Variants in ZNF695 observed in about 807,000 individuals in gnomAD.
The protein encoded by ZNF695 is zinc finger protein SBZF3.
A neutral mutation model predicts 11.2 loss-of-function variants in ZNF695; 11 were observed. That is an observed-to-expected ratio of 0.98 (90% CI 0.62 to 1.62). ZNF695 has a LOEUF of 1.62. ZNF695 is among the 40% of genes most tolerant of loss of function. ZNF695 has a pLI of 0.00. For synonymous variants in ZNF695, 190 were observed against 201.4 expected, an observed-to-expected ratio of 0.94 and a Z score of 0.48; for missense variants, 559 against 590.5, an observed-to-expected ratio of 0.95 and a Z score of 0.55.
In ZNF695 at chr1:246,947,608, T is replaced by C. The variant is rs115713162; in HGVS notation, c.489-1781A>G. On this transcript the variant is annotated intron_variant, in intron 5 of 5. Transcript: ENST00000487338. ...AATCAGGCTTTTCTCCCTGGCATTG[T>C]TTCTGGGACACTGTGAGTGGTATAT... is the stretch of plus-strand genomic sequence containing the variant. Among the ~76,000 whole-genome samples the C allele has an allele frequency of 2.5e-3, 378 of 152,250 alleles. 1 individual carries two copies. Among genetic ancestry groups the C allele is most frequent in the African/African-American group, 8.6e-3 (357 of 41,548 alleles).
Position 247,006,146 on chromosome 1 carries a change from A to G in ZNF695, c.3+1760T>C, listed in dbSNP as rs920077927. ...AGGCTGAGACAGGAGTATCGCTTGA[A>G]CCCGGGAGGCAGAGGTTGCTGTGAG... is the stretch of plus-strand genomic sequence containing the variant. On this transcript the variant is annotated intron_variant, in intron 1 of 3. Transcript: ENST00000339986. 3.3e-5 allele frequency among the ~76,000 whole-genome samples: 5 copies of G among 149,548 alleles called. No homozygotes were observed. The Admixed American group carries it at 3.4e-4, about 10-fold the overall frequency.
rs188259356 is a variant in ZNF695, at chr1:246,995,121, C to T, written c.259+4227G>A. Among the ~76,000 whole-genome samples the T allele has an allele frequency of 3.4e-4, 52 of 152,254 alleles. 1 individual carries two copies. In the South Asian group the frequency reaches 6.6e-3, roughly 19 times the overall value. On this transcript the variant is annotated intron_variant, in intron 3 of 3. Coordinates refer to ENST00000339986, the MANE Select transcript of ZNF695 (RefSeq NM_020394.5). Reference sequence around the variant, plus strand: ...AGAACACCCTAAACAACAGAATCCACGATATTCTCAACAGCTCAGAAAACA... The same window carrying T: ...AGAACACCCTAAACAACAGAATCCATGATATTCTCAACAGCTCAGAAAACA...
At chr1:246,982,146 T>A (rs1424658562), downstream of ZNF695, among the ~76,000 whole-genome samples, 2 of 151,730 alleles carry the variant, frequency 1.3e-5, no homozygotes, top group Non-Finnish European at 2.9e-5. Context: ...GGTGCATGAC[T>A]GTACTCCCAG....
chr1:246,970,920 T>G (rs1402479273), intron 4 of ZNF695, among the ~76,000 whole-genome samples: 1 of 152,126 alleles, frequency 6.6e-6, no homozygotes, highest in East Asian at 1.9e-4. Context: ...GCATGCGCTG[T>G]AGGGTCCAGC....
rs1668892370 is a variant in ZNF695, at chr1:246,987,591, G to A, written c.924C>T (p.Phe308=). 6.3e-7 allele frequency: 1 copy of A among 1,598,108 alleles called. No homozygotes were observed. ...CEECGKSFKL[F]PYLTQHKRIH... is the part of the protein sequence containing the mutation. ...TTCTCTTGTGTTGAGTAAGGTATGG[G>A]AACAACTTAAAGGATTTGCCACATT... The change falls in exon 4 of 4, where the codon TTC becomes TTT. Residue 308 remains phenylalanine, a synonymous_variant. Coordinates refer to ENST00000339986, the MANE Select transcript of ZNF695 (RefSeq NM_020394.5).
chr1:246,994,204 A>G (rs1228559982), intron 3 of ZNF695, among the ~76,000 whole-genome samples: 3 of 152,134 alleles, frequency 2.0e-5, no homozygotes, highest in Non-Finnish European at 4.4e-5. Flanking sequence ...AGATGTACTG[A>G]GAAAAAAAAT....
chr1:246,976,783 A>G (rs4971279), intron 4 of ZNF695, among the ~76,000 whole-genome samples: 145,977 of 152,112 alleles, frequency 0.96, 70,101 homozygotes, highest in East Asian at 1. Flanking sequence ...GACAGAGCGA[A>G]ACTCCGTCTC....
chr1:246,990,905 C>T (rs1669012012), intron 3 of ZNF695, among the ~76,000 whole-genome samples: 1 of 152,038 alleles, frequency 6.6e-6, no homozygotes, highest in Non-Finnish European at 1.5e-5. Flanking sequence ...TTTCTTGAGA[C>T]AAATGATAAC....
chr1:246,991,524 T>C (rs116287270), intron 3 of ZNF695, among the ~76,000 whole-genome samples: 1,925 of 152,190 alleles, frequency 0.013, 16 homozygotes, highest in Admixed American at 0.021. Flanking sequence ...TATGAAAAGG[T>C]TGTCAACATC....
chr1:247,007,343 A>G (rs111743248), intron 1 of ZNF695, among the ~76,000 whole-genome samples: 2,295 of 152,092 alleles, frequency 0.015, 72 homozygotes, highest in African/African-American at 0.053. Context: ...TAAAAATACA[A>G]AAATTAGCTG....
At chr1:246,959,316 T>A (rs1472277249) in intron 5 of ZNF695, among the ~76,000 whole-genome samples, 1,259 of 33,700 alleles carry the variant, frequency 0.037, 4 homozygotes, top group East Asian at 0.04. Flanking sequence ...AAAAAATATA[T>A]ATATATATAT....
rs767297962 is a variant in ZNF695, at chr1:246,987,884, G to C, written c.631C>G (p.Pro211Ala). The C allele has an allele frequency of 1.2e-6, 2 of 1,609,756 alleles. No individual in the cohort carries two copies. The highest frequency in any genetic ancestry group is 1.1e-5 in the South Asian group (1 of 90,088). Residue 211 changes from proline (P) to alanine (A), a missense_variant, in exon 4 of 4, where the codon CCG becomes GCG. Coordinates refer to ENST00000339986, the MANE Select transcript of ZNF695 (RefSeq NM_020394.5). ...QQQRIHIGENPYQCKKCGKAF... is the reference protein window; with the variant it reads ...QQQRIHIGENAYQCKKCGKAF... ...TTGCCACATTTTTTACATTGGTACG[G>C]GTTCTCTCCAATATGGATTCTCTGC...
In ZNF695 at chr1:246,987,582, A is replaced by T. The variant is rs1668891846; in HGVS notation, c.933T>A (p.Leu311=). 11 of 1,596,706 alleles carry T rather than the reference A, an allele frequency of 6.9e-6. No homozygotes were observed. The East Asian group carries it at 2.5e-4, about 36-fold the overall frequency. Residue 311 remains leucine (L), a synonymous_variant, in exon 4 of 4, where the codon CTT becomes CTA. Coordinates refer to ENST00000339986, the MANE Select transcript of ZNF695 (RefSeq NM_020394.5). ...CGKSFKLFPY[L]TQHKRIHSRE... ...TACTATGAATTCTCTTGTGTTGAGTAAGGTATGGGAACAACTTAAAGGATT... is the reference window on the plus strand; with the variant it reads ...TACTATGAATTCTCTTGTGTTGAGTTAGGTATGGGAACAACTTAAAGGATT...
chr1:246,962,557 T>C (rs138809640), intron 5 of ZNF695, among the ~76,000 whole-genome samples: 1,771 of 152,322 alleles, frequency 0.012, 18 homozygotes, highest in Middle Eastern at 0.034. Flanking sequence ...TCAGAGTTAC[T>C]AAAATGAGAA....
In ZNF695 at chr1:246,986,947, T is replaced by C. The variant is rs948273361; in HGVS notation, c.*20A>G. The C allele has an allele frequency of 3.2e-6, 5 of 1,544,618 alleles. No homozygotes were observed. Among genetic ancestry groups the C allele is most frequent in the African/African-American group, 1.4e-5 (1 of 72,214 alleles). ...GGTATTAAAGACTATGCCATATTGT[T>C]TAGAATTGTAGGGTTTTTCTCAGGT... On this transcript the variant is annotated 3_prime_UTR_variant, in exon 4 of 4. Transcript: ENST00000339986.
chr1:246,965,273 C>T (rs565211389), intron 5 of ZNF695, among the ~76,000 whole-genome samples: 8 of 150,526 alleles, frequency 5.3e-5, no homozygotes, highest in South Asian at 2.1e-4. Context: ...AGGAGAATGG[C>T]GTGAACCCGG....
rs766356378 is a variant in ZNF695, at chr1:247,007,931, G to A, written c.-23C>T. ...CATTTCCCAGCTTTTGGGGGTCCCA[G>A]CGTCCTCCCTATAAATCTCGCAATA... On this transcript the variant is annotated 5_prime_UTR_variant, in exon 1 of 4. Coordinates refer to ENST00000339986, the MANE Select transcript of ZNF695 (RefSeq NM_020394.5). The A allele has an allele frequency of 1.3e-6, 2 of 1,521,586 alleles. No individual in the cohort carries two copies. The highest frequency in any genetic ancestry group is 1.8e-6 in the Non-Finnish European group (2 of 1,126,742). 94.3% of individuals were successfully genotyped at this position (1,521,586 alleles called of 1,614,324 possible).
intron 5 of ZNF695, among the ~76,000 whole-genome samples, chr1:246,947,137 CAAAAA>C (rs756767246): frequency 4.4e-5 from 4 of 90,320 alleles, no homozygotes; most frequent in Admixed American, 1.4e-4. Flanking sequence ...GAGACTCCGT[CAAAAA>C]AAAAAAAAAA....
Position 246,986,789 on chromosome 1 carries a change from T to A in ZNF695, c.*178A>T. The A allele has an allele frequency of 7.3e-7, 1 of 1,368,804 alleles. No individual in the cohort carries two copies. The highest frequency in any genetic ancestry group is 9.4e-7 in the Non-Finnish European group (1 of 1,067,208). The allele number at this position is 1,368,804 out of a possible 1,614,324, so 84.8% of individuals were successfully genotyped here. A position where few individuals can be genotyped will look rare whatever the true frequency, so the allele number is the denominator to read the frequency against. On this transcript the variant is annotated 3_prime_UTR_variant, in exon 4 of 4. Coordinates refer to ENST00000339986, the MANE Select transcript of ZNF695 (RefSeq NM_020394.5). ...GATATAAGTGGAGGTGTTGAACCGG[T>A]CTATTTGTATTGTTCGTAGCCTAAA...
Sources: gnomAD v4.1 joint callset for allele counts (sites outside exome capture counted in the v4.1 genomes callset) on GRCh38, gnomAD v4.1.1 for gene constraint, MANE v1.5 for transcripts, NCBI Gene and HGNC (gene_info 2026-07-23, HGNC 2026-07-21) for gene names.